Variants in SPIDR observed in about 807,000 individuals in gnomAD.
The protein encoded by SPIDR is scaffold protein involved in DNA repair.
Under a neutral mutation model 104.6 loss-of-function variants are expected in SPIDR, and 93 were observed. The observed-to-expected ratio is 0.89, with a 90% confidence interval of 0.75 to 1.06. The LOEUF (loss-of-function observed/expected upper bound fraction) is 1.06. Among genes scored for constraint, SPIDR ranks in the 50% least tolerant of loss-of-function variants. SPIDR has a pLI of 0.00. For synonymous variants in SPIDR, 431 were observed against 416.9 expected (o/e 1.03, Z -0.41); for missense variants, 1,154 against 1,111.2 (o/e 1.04, Z -0.55).
intron 5 of SPIDR, among the ~76,000 whole-genome samples, chr8:47,344,359 A>G (rs547704295): frequency 1.9e-3 from 292 of 152,204 alleles, no homozygotes; most frequent in African/African-American, 6.9e-3. Context: ...TTCTTAATCC[A>G]GTCTATCATT....
At chr8:47,400,303 C>T (rs565328172) in intron 6 of SPIDR, among the ~76,000 whole-genome samples, 28 of 152,334 alleles carry the variant, frequency 1.8e-4, no homozygotes, top group African/African-American at 6.3e-4. Context: ...GCTGCTCAAA[C>T]AGCATGCAAT....
At chr8:47,392,379 T>C (rs1465716314) in intron 5 of SPIDR, among the ~76,000 whole-genome samples, 4 of 152,198 alleles carry the variant, frequency 2.6e-5, no homozygotes, top group African/African-American at 9.7e-5. Context: ...ATGCAGGGTA[T>C]GTTTGCTTTG....
chr8:47,556,113 G>C (rs1054076272), intron 8 of SPIDR, among the ~76,000 whole-genome samples: 1 of 152,164 alleles, frequency 6.6e-6, no homozygotes, highest in Non-Finnish European at 1.5e-5. Flanking sequence ...AGCCAGGGAC[G>C]ATTTTCCATC....
At chr8:47,310,689 G>A (rs1471362030) in intron 5 of SPIDR, among the ~76,000 whole-genome samples, 4 of 152,174 alleles carry the variant, frequency 2.6e-5, no homozygotes, top group African/African-American at 9.7e-5. Flanking sequence ...GGTGACTCTA[G>A]CAGCTAGAAA....
intron 8 of SPIDR, among the ~76,000 whole-genome samples, chr8:47,572,475 A>G (rs1028100616): frequency 1.2e-4 from 18 of 152,012 alleles, no homozygotes; most frequent in Non-Finnish European, 1.9e-4. Context: ...CATCCTGGCT[A>G]ATGTGGTGAA....
intron 11 of SPIDR, among the ~76,000 whole-genome samples, chr8:47,677,390 A>G (rs1026731968): frequency 2.6e-5 from 4 of 152,250 alleles, no homozygotes; most frequent in East Asian, 1.9e-4. Context: ...TATAGAAACT[A>G]TAGCTAACAA....
intron 7 of SPIDR, among the ~76,000 whole-genome samples, chr8:47,426,088 A>C (rs1242885307): frequency 3.6e-5 from 5 of 138,658 alleles, no homozygotes; most frequent in African/African-American, 1.1e-4. Flanking sequence ...ACTACGATAC[A>C]AAAAAAAAAA....
intron 7 of SPIDR, among the ~76,000 whole-genome samples, chr8:47,435,496 C>T (rs1302286299): frequency 6.6e-6 from 1 of 152,166 alleles, no homozygotes; most frequent in African/African-American, 2.4e-5. Context: ...GTTTCATCTG[C>T]TAGGCATATG....
At chr8:47,409,832 C>T (rs1488885223) in intron 7 of SPIDR, among the ~76,000 whole-genome samples, 2 of 152,174 alleles carry the variant, frequency 1.3e-5, no homozygotes, top group African/African-American at 4.8e-5. Flanking sequence ...AGTTCAAGGC[C>T]AGCCTGAGCA....
chr8:47,511,828 A>T (rs1216495571), intron 8 of SPIDR: 1 of 915,062 alleles, frequency 1.1e-6, no homozygotes, highest in African/African-American at 1.6e-5. Context: ...AGGGCCAACA[A>T]TCTGCTGTCC....
chr8:47,688,400 G>T (rs2078133763), intron 11 of SPIDR: 1 of 152,470 alleles, frequency 6.6e-6, no homozygotes, highest in Non-Finnish European at 1.5e-5. Context: ...GGGATTACAG[G>T]CGTGAGCCAC....
intron 5 of SPIDR, among the ~76,000 whole-genome samples, chr8:47,389,891 TC>T (rs1466996674): frequency 6.6e-6 from 1 of 152,066 alleles, no homozygotes; most frequent in Non-Finnish European, 1.5e-5. Flanking sequence ...ATAACAATTT[TC>T]TGACCACCTT....
chr8:47,536,231 T>C (rs2086893385), intron 8 of SPIDR, among the ~76,000 whole-genome samples: 1 of 152,134 alleles, frequency 6.6e-6, no homozygotes, highest in Admixed American at 6.5e-5. Context: ...ACTTGATTTG[T>C]AGATTCAGTG....
chr8:47,671,619 A>AATAAATAAATAAATAAATAAATAAATAC (rs957353976), intron 10 of SPIDR, among the ~76,000 whole-genome samples: 2 of 149,156 alleles, frequency 1.3e-5, no homozygotes, highest in African/African-American at 4.9e-5. Context: ...TAAATAAATA[A>AATAAATAAATAAATAAATAAATAAATAC]ATACAAATAA....
chr8:47,590,651 T>C (rs1464219565), intron 8 of SPIDR, among the ~76,000 whole-genome samples: 1 of 152,220 alleles, frequency 6.6e-6, no homozygotes, highest in African/African-American at 2.4e-5. Flanking sequence ...TATTCTATAA[T>C]GTCAGCTAGA....
intron 5 of SPIDR, among the ~76,000 whole-genome samples, chr8:47,346,080 G>T (rs1646306871): frequency 6.6e-6 from 1 of 152,180 alleles, no homozygotes; most frequent in Non-Finnish European, 1.5e-5. Context: ...TGCCCATTCA[G>T]CATGACATTG....
chr8:47,716,488 G>T (rs756534243), intron 16 of SPIDR, among the ~76,000 whole-genome samples: 1 of 152,156 alleles, frequency 6.6e-6, no homozygotes, highest in East Asian at 1.9e-4. Flanking sequence ...CAGTTATGGG[G>T]TGATGGGTCA....
chr8:47,503,438 A>G (rs1002084523), intron 8 of SPIDR, among the ~76,000 whole-genome samples: 11 of 152,106 alleles, frequency 7.2e-5, no homozygotes, highest in Non-Finnish European at 1.6e-4. Context: ...AGTCTGTTTT[A>G]TCAGACACTA....
intron 5 of SPIDR, among the ~76,000 whole-genome samples, chr8:47,341,848 A>G (rs965121028): frequency 5.9e-5 from 9 of 152,296 alleles, no homozygotes; most frequent in African/African-American, 1.9e-4. Flanking sequence ...AAGCAGCAGC[A>G]CTATCTGGCT....
Sources: gnomAD v4.1 joint callset for allele counts (sites outside exome capture counted in the v4.1 genomes callset) on GRCh38, gnomAD v4.1.1 for gene constraint, MANE v1.5 for transcripts, NCBI Gene and HGNC (gene_info 2026-07-23, HGNC 2026-07-21) for gene names.